Variants in NEXMIF observed in about 807,000 individuals in gnomAD.
NEXMIF encodes the protein neurite extension and migration factor.
NEXMIF carries 8 observed loss-of-function variants against 62.1 expected under a neutral mutation model. The ratio of observed to expected loss-of-function variants is 0.13; its 90% CI spans 0.08 to 0.23. The LOEUF (loss-of-function observed/expected upper bound fraction) is 0.23. Ranked by LOEUF, NEXMIF falls within the 10% of genes least tolerant of loss-of-function variation. The probability of loss-of-function intolerance (pLI) is 1.00; values close to 1 mark genes in which losing one functional copy is unlikely to be tolerated. For missense variants in NEXMIF, 976 were observed against 1,113.3 expected (o/e 0.88, Z 1.75); for synonymous variants, 404 against 416.6 (o/e 0.97, Z 0.37).
intron 1 of NEXMIF, among the ~76,000 whole-genome samples, chrX:74,916,716 G>T (rs1489247415): frequency 9.0e-6 from 1 of 111,441 alleles, no homozygotes; most frequent in Non-Finnish European, 1.9e-5. Context: ...CTCAGTTTCA[G>T]GCATTCCATT....
At chrX:74,739,646 C>T in intron 3 of NEXMIF, 148 bp from the exon 4 acceptor site, 1 of 407,931 alleles carries the variant, frequency 2.5e-6, no homozygotes, top group Non-Finnish European at 4.3e-6. Flanking sequence ...CTAGAAAGCC[C>T]TCCTATTTGC....
chrX:74,905,979 G>GA (rs765515222), intron 1 of NEXMIF, among the ~76,000 whole-genome samples: 8 of 109,870 alleles, frequency 7.3e-5, no homozygotes, highest in South Asian at 3.9e-4. Flanking sequence ...AGAGAAATAG[G>GA]AAAAAAAAGG....
intron 1 of NEXMIF, among the ~76,000 whole-genome samples, chrX:74,922,671 T>C (rs2080830891): frequency 8.9e-6 from 1 of 111,815 alleles, no homozygotes. Flanking sequence ...CCCTCTTTTT[T>C]CCTAGTAATA....
At chrX:74,899,073 C>T (rs2080741091) in intron 1 of NEXMIF, among the ~76,000 whole-genome samples, 1 of 111,263 alleles carries the variant, frequency 9.0e-6, no homozygotes, top group African/African-American at 3.3e-5. Flanking sequence ...AAATGTAATG[C>T]AATCCCTATC....
chrX:74,833,200 T>C (rs755730505), intron 1 of NEXMIF, among the ~76,000 whole-genome samples: 43 of 109,919 alleles, frequency 3.9e-4, no homozygotes, highest in Admixed American at 8.7e-4. Flanking sequence ...ATGCTGAAAG[T>C]AGAGTGTTGA....
intron 1 of NEXMIF, among the ~76,000 whole-genome samples, chrX:74,865,232 A>T (rs1031625362): frequency 4.5e-5 from 5 of 111,772 alleles, no homozygotes; most frequent in African/African-American, 1.6e-4. Flanking sequence ...CAAAATGCTG[A>T]TAGTGATATG....
intron 1 of NEXMIF, among the ~76,000 whole-genome samples, chrX:74,839,705 A>G (rs1266013379): frequency 8.9e-6 from 1 of 112,245 alleles, no homozygotes; most frequent in African/African-American, 3.2e-5. Flanking sequence ...TAAGAATAAT[A>G]GCCTCCAGCT....
intron 1 of NEXMIF, among the ~76,000 whole-genome samples, chrX:74,877,518 C>T (rs1398961489): frequency 9.0e-6 from 1 of 110,923 alleles, no homozygotes; most frequent in Non-Finnish European, 1.9e-5. Context: ...TCTGTATTTC[C>T]TGAATCTGAA....
intron 1 of NEXMIF, among the ~76,000 whole-genome samples, chrX:74,781,989 C>T (rs779892827): frequency 3.6e-5 from 4 of 112,203 alleles, no homozygotes; most frequent in Admixed American, 2.8e-4. Context: ...TTGTTAAGTC[C>T]TCACAATATA....
intron 1 of NEXMIF, among the ~76,000 whole-genome samples, chrX:74,871,159 A>G (rs977355436): frequency 2.7e-5 from 3 of 111,485 alleles, no homozygotes; most frequent in Non-Finnish European, 5.7e-5. Flanking sequence ...ATTTTCCCTA[A>G]GTGTCGGCCG....
chrX:74,815,289 T>C (rs901581409), intron 1 of NEXMIF, among the ~76,000 whole-genome samples: 1 of 112,016 alleles, frequency 8.9e-6, no homozygotes, highest in Non-Finnish European at 1.9e-5. Context: ...GAATGGATCA[T>C]GGGTTTTAAG....
intron 1 of NEXMIF, among the ~76,000 whole-genome samples, chrX:74,914,581 T>G (rs1378384505): frequency 1.8e-5 from 2 of 111,707 alleles, no homozygotes; most frequent in Non-Finnish European, 3.8e-5. Context: ...CTCGGGAGGC[T>G]GAGGTAGGAG....
intron 1 of NEXMIF, among the ~76,000 whole-genome samples, chrX:74,802,197 C>T (rs2080331931): frequency 9.0e-6 from 1 of 111,056 alleles, no homozygotes; most frequent in Non-Finnish European, 1.9e-5. Context: ...TTGTGGAGTC[C>T]CAGGTACTCT....
chrX:74,791,555 C>A (rs1258187364), intron 1 of NEXMIF, among the ~76,000 whole-genome samples: 1 of 111,618 alleles, frequency 9.0e-6, no homozygotes, highest in East Asian at 2.8e-4. Context: ...AGGAATGGTA[C>A]CAGCTAATCC....
intron 1 of NEXMIF, among the ~76,000 whole-genome samples, chrX:74,895,496 C>T (rs940316001): frequency 9.0e-6 from 1 of 111,345 alleles, no homozygotes; most frequent in African/African-American, 3.3e-5. Context: ...CTCAGAATAG[C>T]CAAAACCTTC....
At chrX:74,919,414 T>A (rs377293244) in intron 1 of NEXMIF, among the ~76,000 whole-genome samples, 1 of 110,955 alleles carries the variant, frequency 9.0e-6, no homozygotes, top group Non-Finnish European at 1.9e-5. Context: ...TATAATCACC[T>A]CCCCAAATTG....
At chrX:74,751,673 CCCTCCCTCCCTCCCT>C in intron 1 of NEXMIF, among the ~76,000 whole-genome samples, 1 of 78,312 alleles carries the variant, frequency 1.3e-5, no homozygotes, top group East Asian at 4.5e-3. Context: ...TTCCTTCCTT[CCCTCCCTCCCTCCCT>C]CTTTTCTTCC....
At chrX:74,814,601 A>T (rs1442329265) in intron 1 of NEXMIF, among the ~76,000 whole-genome samples, 1 of 112,261 alleles carries the variant, frequency 8.9e-6, no homozygotes, top group Admixed American at 9.5e-5. Flanking sequence ...GAATGCTATG[A>T]CTGATGCACA....
chrX:74,918,741 G>C (rs1005344673), intron 1 of NEXMIF, among the ~76,000 whole-genome samples: 7 of 112,036 alleles, frequency 6.2e-5, no homozygotes, highest in South Asian at 7.4e-4. Context: ...GAGGAAGCCT[G>C]AAAATGTTTG....
Sources: allele counts gnomAD v4.1 joint callset (sites outside exome capture counted in the v4.1 genomes callset), GRCh38; gene constraint gnomAD v4.1.1; transcripts MANE v1.5; gene names NCBI Gene and HGNC (gene_info 2026-07-23, HGNC 2026-07-21).